Variants in FBXO7 observed in about 807,000 individuals in gnomAD.
FBXO7 encodes F-box only protein 7.
In FBXO7, 31 loss-of-function variants were observed where a neutral mutation model predicts 50.2. The observed-to-expected ratio is 0.62, with a 90% CI of 0.46 to 0.83. The LOEUF (loss-of-function observed/expected upper bound fraction) is 0.83. Ranked by LOEUF, FBXO7 falls within the 40% of genes least tolerant of loss-of-function variation. The pLI is 0.00. For synonymous variants in FBXO7, 256 were observed against 253.1 expected, an observed-to-expected ratio of 1.01 and a Z score of -0.11; for missense variants, 667 against 646.6, an observed-to-expected ratio of 1.03 and a Z score of -0.34.
rs17698872 is a variant in FBXO7 at position 32,492,983 on chromosome 22, A to G, written c.968-122A>G. 20,313 of 934,404 alleles carry G rather than the reference A, an allele frequency of 0.022. 301 individuals are homozygous for G. The highest frequency in any genetic ancestry group is 0.029 in the Non-Finnish European group (16,450 of 565,978). 57.9% of individuals were successfully genotyped at this position (934,404 alleles called of 1,614,324 possible). A position where few individuals can be genotyped will look rare whatever the true frequency, so the allele number is the denominator to read the frequency against. On this transcript the variant is annotated intron_variant, in intron 6 of 8. Transcript: ENST00000266087. Reference sequence around the variant, plus strand: ...GATGATGCATACTTGGGGATAATTAAGAGTACCATCTAATTTTCTGTCACT... The same window carrying G: ...GATGATGCATACTTGGGGATAATTAGGAGTACCATCTAATTTTCTGTCACT...
chr22:32,484,368 T>TA (rs1601508241), intron 3 of FBXO7, among the ~76,000 whole-genome samples: 1 of 152,210 alleles, frequency 6.6e-6, no homozygotes, highest in Non-Finnish European at 1.5e-5. Flanking sequence ...GGGACCTTAT[T>TA]AAAATGCAGA....
At chr22:32,496,976 C>T (rs1184905356) in intron 8 of FBXO7, among the ~76,000 whole-genome samples, 3 of 152,066 alleles carry the variant, frequency 2.0e-5, no homozygotes, top group Non-Finnish European at 4.4e-5. Flanking sequence ...TTCCAATCCT[C>T]GTGGATGACT....
chr22:32,484,054 G>C lies in FBXO7; in HGVS notation c.575G>C (p.Cys192Ser), dbSNP rs1283009292. The change falls in exon 3 of 9, where the codon TGT becomes TCT. Residue 192 changes from cysteine (C) to serine (S), a missense_variant. Transcript: ENST00000266087. ...GAGACCTTGTATCAATCAGCTGACT[G>C]TTCTGATGCCAATGATGCCTTGATA... is the stretch of plus-strand genomic sequence containing the variant. ...SLETLYQSAD[C>S]SDANDALIVL... The C allele has an allele frequency of 6.2e-7, 1 of 1,614,056 alleles. No homozygotes were observed. The highest frequency in any genetic ancestry group is 8.5e-7 in the Non-Finnish European group (1 of 1,180,028).
Position 32,491,129 on chromosome 22 carries a change from T to C in FBXO7, c.915T>C (p.Ser305=). The C allele has an allele frequency of 6.2e-7, 1 of 1,613,608 alleles. No individual in the cohort carries two copies. The highest frequency in any genetic ancestry group is 8.5e-7 in the Non-Finnish European group (1 of 1,179,554). ...TATACAAAGATCTTCAGAAACTCTC[T>C]CGCCTCTTTAAAGACCAGCTGGTGT... ...ANIYKDLQKL[S]RLFKDQLVYP... is the part of the protein sequence containing the mutation. Residue 305 remains serine (S), a synonymous_variant, in exon 6 of 9, where the codon TCT becomes TCC. Transcript: ENST00000266087.
chr22:32,475,513 C>G (rs933816961), intron 1 of FBXO7: 4 of 1,299,594 alleles, frequency 3.1e-6, no homozygotes, highest in Non-Finnish European at 4.3e-6. Flanking sequence ...TTGGGTTAAA[C>G]CTTTCTGGAC....
chr22:32,476,135 A>C (rs1265282490), intron 1 of FBXO7, among the ~76,000 whole-genome samples: 1 of 152,110 alleles, frequency 6.6e-6, no homozygotes, highest in African/African-American at 2.4e-5. Context: ...GTTATTCTGA[A>C]CTTCTCGCCC....
At chr22:32,475,307 G>C in intron 1 of FBXO7, 183 bp downstream of exon 1, 1 of 1,604,432 alleles carries the variant, frequency 6.2e-7, no homozygotes, top group Non-Finnish European at 8.5e-7. Flanking sequence ...CGGAGCCGGA[G>C]GGTGCAGGCG....
chr22:32,491,207 T>G (rs772924569), intron 6 of FBXO7, 26 bp downstream of exon 6: 4 of 1,442,900 alleles, frequency 2.8e-6, no homozygotes, highest in Non-Finnish European at 3.9e-6. Flanking sequence ...CTGTCACAAT[T>G]TAAATGACTG....
chr22:32,485,287 A>G (rs28604466), intron 4 of FBXO7, 78 bp downstream of exon 4: 1 of 1,539,658 alleles, frequency 6.5e-7, no homozygotes, highest in Non-Finnish European at 9.0e-7. Flanking sequence ...TAGCCACTTC[A>G]GTGATTGGCT....
At chr22:32,484,880 ATTATC>A (rs2057488453) in intron 3 of FBXO7, among the ~76,000 whole-genome samples, 183 bp from the exon 4 acceptor site, 3 of 152,306 alleles carry the variant, frequency 2.0e-5, no homozygotes, top group South Asian at 4.1e-4. Flanking sequence ...GTTCTAATAT[ATTATC>A]TTATACAATA....
At chr22:32,489,038 C>T (rs2057517833) in intron 5 of FBXO7, 1 of 152,162 alleles carries the variant, frequency 6.6e-6, no homozygotes, top group African/African-American at 2.4e-5. Context: ...TCTCGAACTC[C>T]TGACCTTGTG....
intron 8 of FBXO7, 74 bp downstream of exon 8, chr22:32,495,604 A>T: frequency 3.9e-6 from 3 of 764,860 alleles, no homozygotes; most frequent in Non-Finnish European, 6.2e-6. Context: ...TTAAGGGTAT[A>T]TTTTCACTTT....
chr22:32,478,521 A>G (rs984324058), intron 1 of FBXO7, among the ~76,000 whole-genome samples: 4 of 152,194 alleles, frequency 2.6e-5, no homozygotes, highest in African/African-American at 9.7e-5. Flanking sequence ...TTAGAAATCT[A>G]TAGATTAGGC....
At chr22:32,475,199 C>A in intron 1 of FBXO7, 75 bp downstream of exon 1, 1 of 1,511,668 alleles carries the variant, frequency 6.6e-7, no homozygotes, top group South Asian at 1.2e-5. Flanking sequence ...GGGTTGGCGT[C>A]ATCTGTGGGC....
At chr22:32,487,002 T>G (rs749451504) in intron 4 of FBXO7, among the ~76,000 whole-genome samples, 1 of 151,946 alleles carries the variant, frequency 6.6e-6, no homozygotes, top group Non-Finnish European at 1.5e-5. Context: ...TTCAGGATAC[T>G]TAATATAAAA....
chr22:32,491,231 G>A, intron 6 of FBXO7, 50 bp downstream of exon 6: 1 of 1,318,510 alleles, frequency 7.6e-7, no homozygotes, highest in Non-Finnish European at 1.1e-6. Flanking sequence ...AGAATAGTAA[G>A]TATACTTAAT....
chr22:32,491,912 G>A (rs2057540121), intron 6 of FBXO7: 1 of 152,174 alleles, frequency 6.6e-6, no homozygotes, highest in South Asian at 2.1e-4. Flanking sequence ...TACATGTTGT[G>A]TGTGGGTTTG....
Position 32,479,053 on chromosome 22 carries a change from A to T in FBXO7, c.195A>T (p.Ser65=). ...CTGGAGATGAAGAGACCTTGGCTTCATATGGGATTGTTTCTGGGGACTTGA... is the reference window on the plus strand; with the variant it reads ...CTGGAGATGAAGAGACCTTGGCTTCTTATGGGATTGTTTCTGGGGACTTGA... The part of the protein sequence containing the change: ...PLTGDEETLA[S]YGIVSGDLIC... Residue 65 remains serine (S), a synonymous_variant, in exon 2 of 9, where the codon TCA becomes TCT. Transcript: ENST00000266087. The T allele has an allele frequency of 6.2e-7, 1 of 1,614,224 alleles. No homozygotes were observed. Among genetic ancestry groups the T allele is most frequent in the Non-Finnish European group, 8.5e-7 (1 of 1,180,032 alleles).
intron 6 of FBXO7, chr22:32,491,600 GAT>G (rs1231828752): frequency 4.8e-5 from 1 of 20,656 alleles, no homozygotes; most frequent in African/African-American, 2.6e-4. Context: ...CATATATTTA[GAT>G]ATATATGTCT....
Sources: allele counts gnomAD v4.1 joint callset (sites outside exome capture counted in the v4.1 genomes callset), GRCh38; gene constraint gnomAD v4.1.1; transcripts MANE v1.5; gene names NCBI Gene and HGNC (gene_info 2026-07-23, HGNC 2026-07-21).